Variants in ZNF568 observed in about 807,000 individuals in gnomAD.
ZNF568 encodes zinc finger protein 568, also known as p53 inhibitor of SCO2 activation.
Under a neutral mutation model 18.1 loss-of-function variants are expected in ZNF568, and 11 were observed. That is an observed-to-expected ratio of 0.61 (90% CI 0.38 to 1.00). The LOEUF is 1.00. ZNF568 is among the 50% of genes least tolerant of loss of function. The pLI is 0.01. For synonymous variants in ZNF568, 213 were observed against 246.6 expected, an observed-to-expected ratio of 0.86 and a Z score of 1.28; for missense variants, 639 against 768.2, an observed-to-expected ratio of 0.83 and a Z score of 1.99.
intron 2 of ZNF568, among the ~76,000 whole-genome samples, chr19:36,921,632 T>TA (rs997575418): frequency 4.2e-5 from 6 of 143,284 alleles, no homozygotes; most frequent in Non-Finnish European, 7.9e-5. Context: ...GTTACATATA[T>TA]TTTTTTTTTA....
chr19:36,974,478 T>C, intron 7 of ZNF568: 2 of 1,535,956 alleles, frequency 1.3e-6, no homozygotes, highest in Non-Finnish European at 8.7e-7. Flanking sequence ...TAAGTTGCAT[T>C]TGACATTTTC....
intron 4 of ZNF568, among the ~76,000 whole-genome samples, chr19:36,934,980 T>C (rs934530607): frequency 1.8e-4 from 28 of 152,084 alleles, no homozygotes; most frequent in African/African-American, 6.8e-4. Context: ...TGTGTTTCCC[T>C]GGCTGAAATT....
intron 6 of ZNF568, among the ~76,000 whole-genome samples, chr19:36,945,209 AAGTGT>A (rs2073943301): frequency 9.3e-6 from 1 of 107,730 alleles, no homozygotes; most frequent in Non-Finnish European, 1.9e-5. Context: ...ACAGAGAGAG[AAGTGT>A]GTGTGTGTGT....
At chr19:36,973,591 G>A (rs2074255706) in intron 6 of ZNF568, 1 of 153,016 alleles carries the variant, frequency 6.5e-6, no homozygotes, top group African/African-American at 2.4e-5. Flanking sequence ...GGAGGTCTAG[G>A]GTATCGCGGC....
chr19:36,976,189 T>G (rs2074283467), intron 7 of ZNF568: 2 of 152,224 alleles, frequency 1.3e-5, no homozygotes, highest in Admixed American at 6.5e-5. Flanking sequence ...TCACTATTAA[T>G]GTTTTCAGAT....
intron 6 of ZNF568, among the ~76,000 whole-genome samples, chr19:36,940,128 C>T (rs2073856565): frequency 6.6e-6 from 1 of 152,134 alleles, no homozygotes; most frequent in African/African-American, 2.4e-5. Context: ...CAATAGACTT[C>T]TTTTTCCTCA....
downstream of ZNF568, among the ~76,000 whole-genome samples, chr19:36,953,617 A>G (rs1320129373): frequency 2.0e-5 from 3 of 152,168 alleles, no homozygotes; most frequent in African/African-American, 7.2e-5. Flanking sequence ...ATGCCTTTTT[A>G]AAAAGGAGAT....
At chr19:36,931,736 A>G (rs2073689853) in intron 4 of ZNF568, 1 of 152,202 alleles carries the variant, frequency 6.6e-6, no homozygotes, top group African/African-American at 2.4e-5. Flanking sequence ...CTTTATTAAC[A>G]TATAAGTCAC....
rs754681228 is a variant in ZNF568, at chr19:36,936,830, C to T, written c.220C>T (p.Arg74Ter). 3.7e-6 allele frequency: 6 copies of T among 1,613,622 alleles called. No homozygotes were observed. Among genetic ancestry groups the T allele is most frequent in the East Asian group, 2.2e-5 (1 of 44,880 alleles). Residue 74 changes from arginine to a stop codon, truncating the protein, a stop_gained, in exon 5 of 7, where the codon CGA (arginine) becomes TGA (stop). Transcript: ENST00000333987. LOFTEE classifies it high-confidence loss of function. ...QMKPAQRNLY[R>*]DVMLENYSNL... ...GAAACCTGCTCAAAGAAACTTGTAT[C>T]GAGATGTGATGCTGGAGAACTACAG...
intron 4 of ZNF568, among the ~76,000 whole-genome samples, chr19:36,927,897 ATATATATTTTTTTTTTTTTTT>A (rs2073604590): frequency 8.1e-5 from 2 of 24,740 alleles, no homozygotes; most frequent in African/African-American, 5.0e-4. Context: ...TTATATATAT[ATATATATTTTTTTTTTTTTTT>A]TTTTTTTTTT....
chr19:36,918,113 A>T (rs958280886), intron 2 of ZNF568, among the ~76,000 whole-genome samples: 3 of 151,852 alleles, frequency 2.0e-5, no homozygotes, highest in Admixed American at 2.0e-4. Context: ...CGCCCGGCTG[A>T]TTTTTTGTAT....
In ZNF568 at chr19:36,951,267, A is replaced by G. The variant is rs1600822430; in HGVS notation, c.*179A>G. ...AAAAACCCAGTATTATAAAAACCTCAATTCTGAAAATCTATAGACTGAATG... is the reference window on the plus strand; with the variant it reads ...AAAAACCCAGTATTATAAAAACCTCGATTCTGAAAATCTATAGACTGAATG... On this transcript the variant is annotated 3_prime_UTR_variant, in exon 7 of 7. Transcript: ENST00000333987. The G allele has an allele frequency of 6.1e-6, 3 of 495,002 alleles. No homozygotes were observed. The East Asian group carries it at 1.1e-4, about 18-fold the overall frequency. The allele number at this position is 495,002 out of a possible 1,614,324, so 30.7% of individuals were successfully genotyped here.
intron 6 of ZNF568, among the ~76,000 whole-genome samples, chr19:36,945,207 AG>A (rs1568390042): frequency 2.3e-5 from 3 of 130,040 alleles, no homozygotes; most frequent in Non-Finnish European, 4.9e-5. Flanking sequence ...AGACAGAGAG[AG>A]AAGTGTGTGT....
chr19:36,935,548 A>G (rs2073775440), intron 4 of ZNF568, among the ~76,000 whole-genome samples: 1 of 134,432 alleles, frequency 7.4e-6, no homozygotes, highest in African/African-American at 3.0e-5. Flanking sequence ...CGACAGACTG[A>G]GACTCTGTAT....
At chr19:36,937,610 A>G (rs1600796423) in intron 6 of ZNF568, among the ~76,000 whole-genome samples, 1 of 152,230 alleles carries the variant, frequency 6.6e-6, no homozygotes, top group East Asian at 1.9e-4. Flanking sequence ...ATGGTTGTGT[A>G]GTAATTTTAA....
At chr19:36,924,107 AAAAT>A (rs1177703102) in intron 3 of ZNF568, among the ~76,000 whole-genome samples, 1 of 152,162 alleles carries the variant, frequency 6.6e-6, no homozygotes, top group Non-Finnish European at 1.5e-5. Context: ...TTTAGGGTAA[AAAAT>A]AAATCAAGTT....
Position 36,988,903 on chromosome 19 carries a change from T to C in ZNF568, c.10-2273T>C, listed in dbSNP as rs558611745. On this transcript the variant is annotated intron_variant, in intron 2 of 4. Coordinates refer to the ZNF568 transcript ENST00000433993. ...CTATTTTGTAATATACAATATTTTA[T>C]TGTTAAACCATAGTCACCCTACTGT... is the stretch of plus-strand genomic sequence containing the variant. Among the ~76,000 whole-genome samples, 5 of 152,298 alleles carry C rather than the reference T, an allele frequency of 3.3e-5. No homozygotes were observed. In the East Asian group the frequency reaches 9.7e-4, roughly 29 times the overall value.
In ZNF568 at chr19:36,950,843, G is replaced by A. The variant is rs764845510; in HGVS notation, c.1690G>A (p.Gly564Ser). The A allele has an allele frequency of 1.2e-6, 2 of 1,613,706 alleles. No homozygotes were observed. Among genetic ancestry groups the A allele is most frequent in the East Asian group, 2.2e-5 (1 of 44,838 alleles). ...GEKPFKCNEC[G>S]KAFSRISSLT... ...GAAACCATTCAAATGTAATGAATGT[G>A]GTAAAGCCTTCTCTCGAATCTCATC... The change falls in exon 7 of 7, where the codon GGT (glycine) becomes AGT (serine). Residue 564 changes from glycine to serine, a missense_variant. By Grantham distance (56) the Gly-to-Ser change is moderately conservative. Transcript: ENST00000333987.
intron 6 of ZNF568, among the ~76,000 whole-genome samples, chr19:36,946,989 TCAGA>T (rs2073977783): frequency 6.6e-6 from 1 of 150,412 alleles, no homozygotes; most frequent in Non-Finnish European, 1.5e-5. Flanking sequence ...AATGGTTGGA[TCAGA>T]ACCTAGAAGA....
Sources: gnomAD v4.1 joint callset for allele counts (sites outside exome capture counted in the v4.1 genomes callset) on GRCh38, gnomAD v4.1.1 for gene constraint, MANE v1.5 for transcripts, NCBI Gene and HGNC (gene_info 2026-07-23, HGNC 2026-07-21) for gene names.